The following ZNF180 variants were observed in gnomAD, a reference collection of about 807,000 sequenced individuals.
ZNF180 encodes zinc finger protein 180 (HHZ168).
In ZNF180, 11 loss-of-function variants were observed where a neutral mutation model predicts 11.8. That is an observed-to-expected ratio of 0.93 (90% CI 0.59 to 1.55). The LOEUF is 1.55. Ranked by LOEUF, ZNF180 falls within the 40% of genes most tolerant of loss-of-function variation. The pLI, the probability that ZNF180 is intolerant of heterozygous loss-of-function variation, is 0.00. For synonymous variants in ZNF180, 287 were observed against 257.7 expected, an observed-to-expected ratio of 1.11 and a Z score of -1.09; for missense variants, 773 against 781.7, an observed-to-expected ratio of 0.99 and a Z score of 0.13.
intron 2 of ZNF180, among the ~76,000 whole-genome samples, chr19:44,485,814 T>A (rs1445666955): frequency 6.6e-6 from 1 of 152,324 alleles, no homozygotes; most frequent in African/African-American, 2.4e-5. Flanking sequence ...ACCAGGAAAT[T>A]GAAATTTTGG....
At position 44,484,482 on chromosome 19, in the gene ZNF180, A is replaced by G. The variant is rs1970171453; in HGVS notation, c.52-47T>C. 3 of 1,411,060 alleles carry G rather than the reference A, an allele frequency of 2.1e-6. No homozygotes were observed. In the East Asian group the frequency reaches 6.8e-5, roughly 32 times the overall value. The allele number at this position is 1,411,060 out of a possible 1,614,324, so 87.4% of individuals were successfully genotyped here. On this transcript the variant is annotated intron_variant, in intron 2 of 4. Transcript: ENST00000592529. Reference sequence around the variant, plus strand: ...GAAAAAGGAAAATAATCAGGGAGCTAAGTGGCAGCTCAAATCTCCTCCGGT... The same window carrying G: ...GAAAAAGGAAAATAATCAGGGAGCTGAGTGGCAGCTCAAATCTCCTCCGGT...
chr19:44,500,275 C>T lies in ZNF180; in HGVS notation c.-44G>A, dbSNP rs1216951291. 9.3e-6 allele frequency: 15 copies of T among 1,612,844 alleles called. No individual in the cohort carries two copies. Among genetic ancestry groups the T allele is most frequent in the Non-Finnish European group, 1.3e-5 (15 of 1,179,790 alleles). The stretch of plus-strand genomic sequence containing the variant: ...AGCGCTGCCCCACGCCCCTACCAAC[C>T]TGGGCGTCCGCTGGCCCGCAGCCCA... On this transcript the variant is annotated splice_region_variant and 5_prime_UTR_variant, in exon 1 of 5. It adds an upstream start codon to the 5' untranslated region. Transcript: ENST00000592529.
rs1420336678 is a variant in ZNF180, at chr19:44,495,284, G to GGCCACCCTCT, written c.51+1990_51+1999dup. ...CCCTGGGCTCTGCCACCCCACACTC[G>GGCCACCCTCT]GCCACCCTCTGCCCAGGGGAGCTCC... On this transcript the variant is annotated intron_variant, in intron 2 of 4. Transcript: ENST00000592529. This position sits in a 1 kb window ranked among gnomAD's most constrained non-coding sequence, Gnocchi z 4.5. Among the ~76,000 whole-genome samples, 1 of 151,734 alleles carries GGCCACCCTCT rather than the reference G, an allele frequency of 6.6e-6. No homozygotes were observed.
At position 44,477,854 on chromosome 19, in the gene ZNF180, T is replaced by G; in HGVS notation, c.546A>C (p.Pro182=). The G allele has an allele frequency of 6.2e-7, 1 of 1,613,926 alleles. No individual in the cohort carries two copies. The highest frequency in any genetic ancestry group is 8.5e-7 in the Non-Finnish European group (1 of 1,179,988). The change falls in exon 5 of 5, where the codon CCA becomes CCC. Residue 182 remains proline (P), a synonymous_variant. Coordinates refer to ENST00000592529, the MANE Select transcript of ZNF180 (RefSeq NM_001278509.3). ...SGLNSSLFSS[P]VIPIRNHFHK... ...GAAAATGGTTTCTTATGGGTATAACTGGGGATGAAAATAGACTGGAATTCA... is the reference window on the plus strand; with the variant it reads ...GAAAATGGTTTCTTATGGGTATAACGGGGGATGAAAATAGACTGGAATTCA...
intron 1 of ZNF180, among the ~76,000 whole-genome samples, chr19:44,498,791 C>T (rs111928988): frequency 8.3e-4 from 126 of 152,276 alleles, no homozygotes; most frequent in African/African-American, 2.9e-3. Context: ...TGCCAGCACA[C>T]GTGCAGAGTG....
At position 44,497,003 on chromosome 19, in the gene ZNF180, G is replaced by A. The variant is rs553356787; in HGVS notation, c.51+281C>T. Among the ~76,000 whole-genome samples, 73 of 152,196 alleles carry A rather than the reference G, an allele frequency of 4.8e-4. 1 individual carries two copies. The South Asian group carries it at 0.014, about 30-fold the overall frequency. ...TTGCACATTTAGTATATTTCCAATTGTTCATTCTCAAAGCTGTGAATTGCT... is the reference window on the plus strand; with the variant it reads ...TTGCACATTTAGTATATTTCCAATTATTCATTCTCAAAGCTGTGAATTGCT... On this transcript the variant is annotated intron_variant, in intron 2 of 4. Coordinates refer to ENST00000592529, the MANE Select transcript of ZNF180 (RefSeq NM_001278509.3).
chr19:44,497,377 A>C lies in ZNF180; in HGVS notation c.-43T>G. ...GCAGGGTGCTGAGGTCCTGAGCTGC[A>C]CTGAGAGAAGCCCCAAGTACAGCAT... is the stretch of plus-strand genomic sequence containing the variant. On this transcript the variant is annotated splice_region_variant and 5_prime_UTR_variant, in exon 2 of 5. Transcript: ENST00000592529. 6.3e-7 allele frequency: 1 copy of C among 1,591,696 alleles called. No homozygotes were observed. The highest frequency in any genetic ancestry group is 8.5e-7 in the Non-Finnish European group (1 of 1,173,090).
chr19:44,492,328 T>C (rs1047832408), intron 2 of ZNF180, among the ~76,000 whole-genome samples: 2 of 152,072 alleles, frequency 1.3e-5, no homozygotes, highest in African/African-American at 4.8e-5. Context: ...GACATAGGAA[T>C]AGAATTAAAA....
chr19:44,474,431 A>G (rs1969803870), downstream of ZNF180: 1 of 152,182 alleles, frequency 6.6e-6, no homozygotes, highest in Admixed American at 6.5e-5. Flanking sequence ...AAGAATGTTC[A>G]TGGCTTATAT....
chr19:44,492,069 C>T (rs978815285), intron 2 of ZNF180, among the ~76,000 whole-genome samples: 10 of 152,184 alleles, frequency 6.6e-5, no homozygotes, highest in African/African-American at 2.4e-4. Context: ...CTCCATGAAG[C>T]GTTCCCAGAT....
At chr19:44,490,164 AAGGGAGGGAGGGAGGG>A (rs148114847) in intron 2 of ZNF180, among the ~76,000 whole-genome samples, 1 of 73,540 alleles carries the variant, frequency 1.4e-5, no homozygotes, top group Non-Finnish European at 2.8e-5. Flanking sequence ...GAAATAGGAG[AAGGGAGGGAGGGAGGG>A]AGGGAGGGAG....
At chr19:44,497,428 T>C in intron 1 of ZNF180, 51 bp from the exon 2 acceptor site, 1 of 1,516,848 alleles carries the variant, frequency 6.6e-7, no homozygotes. Context: ...CCGGAACCGC[T>C]GGGCCCCCCA....
At position 44,477,744 on chromosome 19, in the gene ZNF180, T is replaced by C. The variant is rs767542106; in HGVS notation, c.656A>G (p.Tyr219Cys). ...GGGTTTTCCACATTCATTATTTTCA[T>C]ATAGTGTCTCATTCTCATTAATCTT... ...HQKINENETL[Y>C]ENNECGKPPQ... Residue 219 changes from tyrosine (Y) to cysteine (C), a missense_variant, in exon 5 of 5, where the codon TAT becomes TGT. Tyr to Cys is a radical substitution (Grantham distance 194). Coordinates refer to ENST00000592529, the MANE Select transcript of ZNF180 (RefSeq NM_001278509.3). 6.2e-6 allele frequency: 10 copies of C among 1,614,058 alleles called. No homozygotes were observed. Among genetic ancestry groups the C allele is most frequent in the Admixed American group, 3.3e-5 (2 of 60,028 alleles).
intron 3 of ZNF180, among the ~76,000 whole-genome samples, chr19:44,482,459 C>T (rs2123453554): frequency 6.6e-6 from 1 of 152,272 alleles, no homozygotes; most frequent in South Asian, 2.1e-4. Flanking sequence ...ACTCTCCCAT[C>T]CTAGATCTCA....
Position 44,476,669 on chromosome 19 carries a change from G to A in ZNF180, c.1731C>T (p.Pro577=). The change falls in exon 5 of 5, where the codon CCC becomes CCT. Residue 577 remains proline, a synonymous_variant. Coordinates refer to ENST00000592529, the MANE Select transcript of ZNF180 (RefSeq NM_001278509.3). ...ACTTCCCACATTGACTGCATTCATA[G>A]GGCTTTTCTCCAGTATGAGTTCTCT... ...VHQRTHTGEK[P]YECSQCGKSF... 1 of 1,614,084 alleles carries A rather than the reference G, an allele frequency of 6.2e-7. No homozygotes were observed.
At chr19:44,481,157 C>A (rs74602839) in intron 3 of ZNF180, among the ~76,000 whole-genome samples, 2,767 of 152,226 alleles carry the variant, frequency 0.018, 35 homozygotes, top group Middle Eastern at 0.034. Flanking sequence ...TCTGTCCTTA[C>A]CCAGGCACAG....
In ZNF180 at chr19:44,479,350, G is replaced by T; in HGVS notation, c.186C>A (p.Cys62Ter). 1 of 1,613,644 alleles carries T rather than the reference G, an allele frequency of 6.2e-7. No individual in the cohort carries two copies. The highest frequency in any genetic ancestry group is 8.5e-7 in the Non-Finnish European group (1 of 1,179,834). ...TGTCCAGGGTCCTCTGAGCAGGGTTGCAAGTACCCTGTTCCTCCCGTGTGA... is the reference window on the plus strand; with the variant it reads ...TGTCCAGGGTCCTCTGAGCAGGGTTTCAAGTACCCTGTTCCTCCCGTGTGA... ...VDFTREEQGT[C>*]NPAQRTLDRD... is the part of the protein sequence containing the mutation. Residue 62 changes from cysteine to a stop codon, truncating the protein, a stop_gained, in exon 4 of 5, where the codon TGC (cysteine) becomes TGA (stop). Transcript: ENST00000592529. LOFTEE classifies it high-confidence loss of function.
rs760912000 is a variant in ZNF180 at position 44,477,126 on chromosome 19, A to G, written c.1274T>C (p.Leu425Pro). 2.5e-6 allele frequency: 4 copies of G among 1,613,048 alleles called. No homozygotes were observed. Among genetic ancestry groups the G allele is most frequent in the African/African-American group, 2.7e-5 (2 of 74,912 alleles). ...CGKSFRQSYK[L>P]IAHQRTHTGE... ...GGTATGTGTTCTTTGATGTGCAATA[A>G]GTTTATAGCTCTGCCTGAATGACTT... Residue 425 changes from leucine to proline, a missense_variant, in exon 5 of 5, where the codon CTT (leucine) becomes CCT (proline). Leu to Pro is a moderately conservative substitution (Grantham distance 98). Coordinates refer to ENST00000592529, the MANE Select transcript of ZNF180 (RefSeq NM_001278509.3).
At chr19:44,491,654 T>C (rs964742621) in intron 2 of ZNF180, among the ~76,000 whole-genome samples, 8 of 152,226 alleles carry the variant, frequency 5.3e-5, no homozygotes, top group Non-Finnish European at 1.0e-4. Flanking sequence ...TACTATAGTC[T>C]TGAACTCCTG....
Sources: allele counts gnomAD v4.1 joint callset (sites outside exome capture counted in the v4.1 genomes callset), GRCh38; gene constraint gnomAD v4.1.1; non-coding constraint Gnocchi (gnomAD v3.1); transcripts MANE v1.5; gene names NCBI Gene and HGNC (gene_info 2026-07-23, HGNC 2026-07-21).